Variants in SHISA9 observed in about 807,000 individuals in gnomAD.
SHISA9 encodes protein shisa-9.
SHISA9 carries 13 observed loss-of-function variants against 38.0 expected under a neutral mutation model. That is an observed-to-expected ratio of 0.34 (90% CI 0.22 to 0.54). The LOEUF (loss-of-function observed/expected upper bound fraction) is 0.54, where lower values mean the gene tolerates loss of function less well. Among genes scored for constraint, SHISA9 ranks in the 20% least tolerant of loss-of-function variants. The pLI is 0.91. For missense variants in SHISA9, 538 were observed against 575.8 expected, an observed-to-expected ratio of 0.93 and a Z score of 0.67; for synonymous variants, 275 against 242.0, an observed-to-expected ratio of 1.14 and a Z score of -1.27.
chr16:12,960,458 C>A (rs112551814), intron 2 of SHISA9, among the ~76,000 whole-genome samples: 6 of 152,056 alleles, frequency 3.9e-5, no homozygotes, highest in African/African-American at 1.4e-4. Context: ...TCTAAAGATA[C>A]GTGCACACAT....
At chr16:12,969,891 C>A (rs1053395344) in intron 2 of SHISA9, among the ~76,000 whole-genome samples, 1 of 151,988 alleles carries the variant, frequency 6.6e-6, no homozygotes, top group African/African-American at 2.4e-5. Flanking sequence ...AAATGTAGAA[C>A]GTGCAAAACA....
At chr16:13,085,475 A>G (rs576771452) in intron 2 of SHISA9, among the ~76,000 whole-genome samples, 1 of 152,366 alleles carries the variant, frequency 6.6e-6, no homozygotes, top group South Asian at 2.1e-4. Flanking sequence ...TACAGCTGCA[A>G]CTGACATTCC....
At chr16:13,386,664 T>C in the SHISA9 span, among the ~76,000 whole-genome samples, 3 of 152,216 alleles carry the variant, frequency 2.0e-5, no homozygotes, top group South Asian at 6.2e-4. Flanking sequence ...ATGTGGATTG[T>C]TGTTTGTTTT....
chr16:13,221,034 G>GGA lies in SHISA9; in HGVS notation c.895+7734_895+7735insGA, dbSNP rs531428477. ...TAGTTTGCCTATATATGGGATTTTA[G>GGA]AAAAAAAAAAAATCACAGTACCACC... On this transcript the variant is annotated intron_variant, in intron 4 of 4. Coordinates refer to ENST00000558583, the MANE Select transcript of SHISA9 (RefSeq NM_001145204.3). Among the ~76,000 whole-genome samples, 8 of 147,338 alleles carry GGA rather than the reference G, an allele frequency of 5.4e-5. 1 individual carries two copies. The highest frequency in any genetic ancestry group is 1.0e-4 in the Non-Finnish European group (7 of 66,684).
the SHISA9 span, among the ~76,000 whole-genome samples, chr16:13,307,336 C>G: frequency 8.5e-4 from 129 of 152,286 alleles, 1 homozygote; most frequent in African/African-American, 3.0e-3. Flanking sequence ...TGTACTTCCC[C>G]TGTATTTTCT....
chr16:13,078,692 T>C (rs1490958976), intron 2 of SHISA9, among the ~76,000 whole-genome samples: 5 of 152,136 alleles, frequency 3.3e-5, no homozygotes, highest in African/African-American at 1.2e-4. Flanking sequence ...AGGCGTGAGC[T>C]ACCACGCCTG....
the SHISA9 span, among the ~76,000 whole-genome samples, chr16:13,363,790 A>T: frequency 7.9e-5 from 12 of 152,334 alleles, no homozygotes; most frequent in East Asian, 2.3e-3. Flanking sequence ...CTTAGCATGC[A>T]TGATAGACGT....
chr16:13,233,000 C>CA (rs1455486928), intron 4 of SHISA9, among the ~76,000 whole-genome samples: 1 of 151,898 alleles, frequency 6.6e-6, no homozygotes, highest in Admixed American at 6.6e-5. Flanking sequence ...TTTTACCCCA[C>CA]AAAAAAACTT....
the SHISA9 span, among the ~76,000 whole-genome samples, chr16:13,310,684 CT>C: frequency 0.016 from 1,986 of 125,552 alleles, 33 homozygotes; most frequent in African/African-American, 0.046. Flanking sequence ...GATTTTTATG[CT>C]TTTTTTTTTT....
chr16:12,919,588 A>G (rs1163276028), intron 2 of SHISA9, among the ~76,000 whole-genome samples: 3 of 152,230 alleles, frequency 2.0e-5, no homozygotes, highest in Non-Finnish European at 4.4e-5. Flanking sequence ...ATGGTAAGAT[A>G]ATAGCCAGTG....
At chr16:13,535,727 A>G in the SHISA9 span, among the ~76,000 whole-genome samples, 5 of 152,320 alleles carry the variant, frequency 3.3e-5, no homozygotes, top group African/African-American at 7.2e-5. Flanking sequence ...TCTTTCTTCC[A>G]TAATTTTCCT....
At chr16:13,145,251 G>A (rs939996511) in intron 2 of SHISA9, among the ~76,000 whole-genome samples, 3 of 152,146 alleles carry the variant, frequency 2.0e-5, no homozygotes, top group Admixed American at 6.6e-5. Flanking sequence ...TGAGTTGGGC[G>A]TGGTGGCTCA....
At position 13,165,207 on chromosome 16, in the gene SHISA9, A is replaced by G. The variant is rs1014797113; in HGVS notation, c.692-38187A>G. Among the ~76,000 whole-genome samples the G allele has an allele frequency of 2.0e-5, 3 of 152,198 alleles. 1 individual carries two copies. Among genetic ancestry groups the G allele is most frequent in the Admixed American group, 6.5e-5 (1 of 15,288 alleles). ...CTCCTTTCTTCTCTCCCCTAGGAAC[A>G]CTGATTCTATGTATATTAAATCACG... is the stretch of plus-strand genomic sequence containing the variant. On this transcript the variant is annotated intron_variant, in intron 2 of 4. Coordinates refer to ENST00000558583, the MANE Select transcript of SHISA9 (RefSeq NM_001145204.3).
At chr16:13,406,745 T>C in the SHISA9 span, among the ~76,000 whole-genome samples, 1 of 152,122 alleles carries the variant, frequency 6.6e-6, no homozygotes, top group Admixed American at 6.6e-5. Context: ...TCATTTTAGA[T>C]CACTAAGCCT....
At chr16:13,391,151 A>G in the SHISA9 span, among the ~76,000 whole-genome samples, 124,392 of 152,144 alleles carry the variant, frequency 0.82, 50,992 homozygotes, top group East Asian at 0.96. Flanking sequence ...TGAAACCATA[A>G]AGCAGTGTGT....
At chr16:13,500,597 A>T in the SHISA9 span, among the ~76,000 whole-genome samples, 1 of 118,412 alleles carries the variant, frequency 8.4e-6, no homozygotes, top group Non-Finnish European at 1.7e-5. Flanking sequence ...AAAAAGACAG[A>T]GTGGAGTGTG....
chr16:13,419,585 G>A, the SHISA9 span, among the ~76,000 whole-genome samples: 3 of 152,166 alleles, frequency 2.0e-5, no homozygotes, highest in African/African-American at 7.2e-5. Context: ...TTATAAGAGA[G>A]GATTAAAAAA....
At chr16:13,068,899 T>C (rs191946765) in intron 2 of SHISA9, among the ~76,000 whole-genome samples, 1 of 152,164 alleles carries the variant, frequency 6.6e-6, no homozygotes, top group East Asian at 1.9e-4. Context: ...GTACATGGAA[T>C]GTGTATGTGT....
At chr16:13,457,227 A>T in the SHISA9 span, among the ~76,000 whole-genome samples, 7 of 152,112 alleles carry the variant, frequency 4.6e-5, no homozygotes, top group African/African-American at 1.7e-4. Context: ...AGTCGTTTGA[A>T]CCCGGGAGGC....
Sources: allele counts gnomAD v4.1 joint callset (sites outside exome capture counted in the v4.1 genomes callset), GRCh38; gene constraint gnomAD v4.1.1; transcripts MANE v1.5; gene names NCBI Gene and HGNC (gene_info 2026-07-23, HGNC 2026-07-21).